TNFRSF10D: variants seen among roughly 807,000 people sequenced by gnomAD.
The protein encoded by TNFRSF10D is tumor necrosis factor receptor superfamily member 10D.
TNFRSF10D carries 28 observed loss-of-function variants against 42.1 expected under a neutral mutation model. That is an observed-to-expected ratio of 0.66 (90% CI 0.49 to 0.91). The LOEUF is 0.91. Ranked by LOEUF, TNFRSF10D falls within the 40% of genes least tolerant of loss-of-function variation. The probability of loss-of-function intolerance (pLI) is 0.00; values close to 1 mark genes in which losing one functional copy is unlikely to be tolerated. For missense variants in TNFRSF10D, 503 were observed against 486.1 expected (o/e 1.03, Z -0.33); for synonymous variants, 186 against 189.4 (o/e 0.98, Z 0.15).
chr8:23,153,892 A>G (rs187028288), intron 2 of TNFRSF10D, among the ~76,000 whole-genome samples: 920 of 152,246 alleles, frequency 6.0e-3, no homozygotes, highest in African/African-American at 0.019. Context: ...AGGAAATGAC[A>G]TCAGTATGTT....
intron 2 of TNFRSF10D, among the ~76,000 whole-genome samples, chr8:23,150,805 CGGA>C (rs1164522999): frequency 6.1e-3 from 915 of 150,964 alleles, no homozygotes; most frequent in African/African-American, 0.019. Context: ...GTTGATTAAT[CGGA>C]AGAAAGAATC....
chr8:23,145,301 T>C (rs768064598), intron 5 of TNFRSF10D, among the ~76,000 whole-genome samples: 29 of 152,116 alleles, frequency 1.9e-4, no homozygotes, highest in Non-Finnish European at 4.0e-4. Context: ...GTGGAAAATC[T>C]CTGTGTTCTG....
At chr8:23,158,237 T>C (rs1415672626) in intron 1 of TNFRSF10D, among the ~76,000 whole-genome samples, 1 of 152,182 alleles carries the variant, frequency 6.6e-6, no homozygotes, top group Non-Finnish European at 1.5e-5. Context: ...TGCCCCTCAG[T>C]CCAATTCTTT....
chr8:23,140,509 A>T (rs112822483), intron 7 of TNFRSF10D, among the ~76,000 whole-genome samples: 801 of 151,964 alleles, frequency 5.3e-3, no homozygotes, highest in African/African-American at 0.017. Context: ...ACATGAACAA[A>T]TGGAAAAACA....
chr8:23,149,115 G>T (rs1176972237), intron 2 of TNFRSF10D, among the ~76,000 whole-genome samples: 1 of 148,020 alleles, frequency 6.8e-6, no homozygotes. Flanking sequence ...GCGTGAACCC[G>T]GGAGGCAGAG....
At chr8:23,153,809 T>C (rs1375214675) in intron 2 of TNFRSF10D, among the ~76,000 whole-genome samples, 1 of 152,222 alleles carries the variant, frequency 6.6e-6, no homozygotes, top group Non-Finnish European at 1.5e-5. Context: ...GAAAACAGTA[T>C]GGAGGTTCCT....
intron 1 of TNFRSF10D, among the ~76,000 whole-genome samples, chr8:23,156,514 C>G (rs1483041656): frequency 3.1e-3 from 465 of 151,124 alleles, no homozygotes; most frequent in African/African-American, 9.7e-3. Flanking sequence ...TCTCTGCTCT[C>G]ACACCCTTAC....
Position 23,142,441 on chromosome 8 carries a change from T to C in TNFRSF10D, c.954+2009A>G, listed in dbSNP as rs568766534. Among the ~76,000 whole-genome samples, 5 of 152,302 alleles carry C rather than the reference T, an allele frequency of 3.3e-5. No individual in the cohort carries two copies. The East Asian group carries it at 9.6e-4, about 29-fold the overall frequency. On this transcript the variant is annotated intron_variant, in intron 7 of 8. Coordinates refer to ENST00000312584, the MANE Select transcript of TNFRSF10D (RefSeq NM_003840.5). ...ATAAAAAAGAATGAAATCATATTGT[T>C]TGCAGCCACATGGATGAAGCTGGAG...
At chr8:23,152,785 C>T (rs7462795) in intron 2 of TNFRSF10D, among the ~76,000 whole-genome samples, 25,185 of 152,126 alleles carry the variant, frequency 0.17, 2,761 homozygotes, top group East Asian at 0.57. Flanking sequence ...CTTAATTGTT[C>T]ATATGACCCA....
chr8:23,158,100 C>T (rs1052785027), intron 1 of TNFRSF10D, among the ~76,000 whole-genome samples: 7 of 152,208 alleles, frequency 4.6e-5, no homozygotes, highest in African/African-American at 1.4e-4. Flanking sequence ...GTCACCTGCT[C>T]GGCCATCTTT....
chr8:23,148,980 G>T (rs375725273), intron 2 of TNFRSF10D, among the ~76,000 whole-genome samples: 1 of 151,524 alleles, frequency 6.6e-6, no homozygotes, highest in Non-Finnish European at 1.5e-5. Context: ...CACGAGGTCA[G>T]GAGATCGAGA....
chr8:23,149,428 G>C (rs959474834), intron 2 of TNFRSF10D, among the ~76,000 whole-genome samples: 19 of 151,186 alleles, frequency 1.3e-4, no homozygotes, highest in African/African-American at 4.6e-4. Flanking sequence ...TAGTTGACAC[G>C]GTGTATCATC....
In TNFRSF10D at chr8:23,147,043, T is replaced by A. The variant is rs1800130526; in HGVS notation, c.400A>T (p.Thr134Ser). ...GQTNKSSCTT[T>S]RDTVCQCEKG... ...TCACACTGACACACGGTGTCTCTGG[T>A]CGTGGTACAGGAACTTTTATTTGTT... The change falls in exon 4 of 9, where the codon ACC becomes TCC. Residue 134 changes from threonine to serine, a missense_variant. Transcript: ENST00000312584. The A allele has an allele frequency of 6.2e-7, 1 of 1,614,038 alleles. No individual in the cohort carries two copies. The highest frequency in any genetic ancestry group is 1.7e-5 in the Admixed American group (1 of 60,010).
chr8:23,154,198 T>C (rs1268531065), intron 2 of TNFRSF10D, among the ~76,000 whole-genome samples: 2 of 152,300 alleles, frequency 1.3e-5, no homozygotes, highest in African/African-American at 4.8e-5. Context: ...AGAATGGTGA[T>C]TACCAGCGCT....
intron 7 of TNFRSF10D, among the ~76,000 whole-genome samples, chr8:23,141,668 C>G (rs183376562): frequency 4.2e-3 from 637 of 151,338 alleles, no homozygotes; most frequent in African/African-American, 0.013. Flanking sequence ...GACATGAACA[C>G]ACATGTCTCA....
At position 23,163,847 on chromosome 8, in the gene TNFRSF10D, G is replaced by A. The variant is rs1309128924; in HGVS notation, c.89C>T (p.Pro30Leu). The A allele has an allele frequency of 6.2e-7, 1 of 1,606,884 alleles. No homozygotes were observed. Among genetic ancestry groups the A allele is most frequent in the Non-Finnish European group, 8.5e-7 (1 of 1,177,952 alleles). The change falls in exon 1 of 9, where the codon CCA becomes CTA. Residue 30 changes from proline to leucine, a missense_variant. Transcript: ENST00000312584. ...AAGGATCTTGGGGTCCAGGAGCCAT[G>A]GTCTGGTTCCCGACGCTGTCCTGGC... Reference protein sequence around the residue: ...PGARTASGTRPWLLDPKILKF... With the variant: ...PGARTASGTRLWLLDPKILKF...
intron 2 of TNFRSF10D, among the ~76,000 whole-genome samples, chr8:23,150,172 G>A (rs1800196444): frequency 6.6e-6 from 1 of 151,084 alleles, no homozygotes; most frequent in Non-Finnish European, 1.5e-5. Context: ...CTGTCCTAGT[G>A]CCAGGTCAGT....
chr8:23,156,563 T>TC (rs1216895585), intron 1 of TNFRSF10D, among the ~76,000 whole-genome samples: 1 of 151,976 alleles, frequency 6.6e-6, no homozygotes, highest in Non-Finnish European at 1.5e-5. Flanking sequence ...TCAACTCTTT[T>TC]TTTTTTTTTT....
rs531069530 is a variant in TNFRSF10D, at chr8:23,137,038, G to A, written c.*832C>T. The stretch of plus-strand genomic sequence containing the variant: ...GCAACCCATGTAAACAGCCTAATAA[G>A]TGCATTTCCTAAAGTTTTTCCATGT... On this transcript the variant is annotated 3_prime_UTR_variant, in exon 9 of 9. Transcript: ENST00000312584. The A allele has an allele frequency of 1.3e-5, 2 of 152,226 alleles. No homozygotes were observed. Among genetic ancestry groups the A allele is most frequent in the Admixed American group, 1.3e-4 (2 of 15,302 alleles). The allele number at this position is 152,226 out of a possible 1,614,324, so 9.4% of individuals were successfully genotyped here.
Sources: gnomAD v4.1 joint callset for allele counts (sites outside exome capture counted in the v4.1 genomes callset) on GRCh38, gnomAD v4.1.1 for gene constraint, MANE v1.5 for transcripts, NCBI Gene and HGNC (gene_info 2026-07-23, HGNC 2026-07-21) for gene names.